The following NAV2 variants were observed in gnomAD, a reference collection of about 807,000 sequenced individuals.
NAV2 encodes the protein helicase, APC down-regulated 1.
NAV2 carries 54 observed loss-of-function variants against 223.2 expected under a neutral mutation model. The ratio of observed to expected loss-of-function variants is 0.24; its 90% CI spans 0.19 to 0.30. The LOEUF is 0.30. Ranked by LOEUF, NAV2 falls within the 10% of genes least tolerant of loss-of-function variation. The pLI, the probability that NAV2 is intolerant of heterozygous loss-of-function variation, is 1.00. For missense variants in NAV2, 2,806 were observed against 3,147.5 expected (o/e 0.89, Z 2.60); for synonymous variants, 1,279 against 1,239.3 (o/e 1.03, Z -0.67).
intron 1 of NAV2, among the ~76,000 whole-genome samples, chr11:19,541,351 A>G (rs1473822122): frequency 1.3e-5 from 2 of 152,224 alleles, no homozygotes; most frequent in African/African-American, 4.8e-5. Context: ...TTGTTCTAGA[A>G]GACAGGAAAG....
chr11:19,615,775 G>A (rs1333365931), intron 1 of NAV2, among the ~76,000 whole-genome samples: 1 of 152,146 alleles, frequency 6.6e-6, no homozygotes, highest in African/African-American at 2.4e-5. Context: ...GAGAGCGTGT[G>A]ATGTGCTAGC....
At chr11:19,613,719 C>T (rs908332282) in intron 1 of NAV2, among the ~76,000 whole-genome samples, 4 of 152,176 alleles carry the variant, frequency 2.6e-5, no homozygotes, top group Non-Finnish European at 4.4e-5. Flanking sequence ...AGTTGGAATC[C>T]GCTTTTAACT....
intron 11 of NAV2, among the ~76,000 whole-genome samples, chr11:19,991,313 C>G (rs2051310535): frequency 6.6e-6 from 1 of 151,880 alleles, no homozygotes; most frequent in South Asian, 2.1e-4. Flanking sequence ...TTTGTAGAGA[C>G]AGGGTTTCAC....
intron 3 of NAV2, among the ~76,000 whole-genome samples, chr11:19,866,767 T>C (rs2062116783): frequency 6.6e-6 from 1 of 152,148 alleles, no homozygotes; most frequent in Non-Finnish European, 1.5e-5. Flanking sequence ...AATCTTAACC[T>C]ACCTCGTCAG....
intron 1 of NAV2, among the ~76,000 whole-genome samples, chr11:19,746,383 T>A (rs58771640): frequency 0.72 from 109,486 of 151,632 alleles, 40,086 homozygotes; most frequent in Middle Eastern, 0.83. Context: ...TGTTTTTTTT[T>A]AACTAGAGTA....
intron 10 of NAV2, among the ~76,000 whole-genome samples, chr11:19,973,618 G>A (rs1957848980): frequency 6.6e-6 from 1 of 152,210 alleles, no homozygotes. Flanking sequence ...CTAAAATTCA[G>A]GGTAACATGT....
intron 2 of NAV2, among the ~76,000 whole-genome samples, chr11:19,836,616 A>G (rs2060253400): frequency 6.6e-6 from 1 of 152,084 alleles, no homozygotes; most frequent in African/African-American, 2.4e-5. Flanking sequence ...TTCTATAAAA[A>G]GTAGTCAACA....
At chr11:19,771,625 TCGGGGGAGC>T (rs2055728447) in intron 1 of NAV2, among the ~76,000 whole-genome samples, 1 of 151,934 alleles carries the variant, frequency 6.6e-6, no homozygotes, top group African/African-American at 2.4e-5. Flanking sequence ...ATCTGAGTTG[TCGGGGGAGC>T]CAGGAAGTGA....
chr11:19,598,017 AC>A (rs1181335255), intron 1 of NAV2, among the ~76,000 whole-genome samples: 1 of 152,214 alleles, frequency 6.6e-6, no homozygotes, highest in Non-Finnish European at 1.5e-5. Flanking sequence ...TCCAGTTATG[AC>A]CCATGCCAAT....
chr11:19,369,830 AG>A (rs1848412843), intron 1 of NAV2, among the ~76,000 whole-genome samples: 1 of 152,178 alleles, frequency 6.6e-6, no homozygotes, highest in African/African-American at 2.4e-5. Flanking sequence ...TTCCTTTGGT[AG>A]GCACCTTGAC....
At chr11:19,549,789 A>G (rs574812831) in intron 1 of NAV2, among the ~76,000 whole-genome samples, 1 of 152,182 alleles carries the variant, frequency 6.6e-6, no homozygotes, top group South Asian at 2.1e-4. Context: ...ACCAAGCTGC[A>G]CCATGAGCAT....
intron 1 of NAV2, among the ~76,000 whole-genome samples, chr11:19,672,490 T>C (rs527852726): frequency 6.6e-6 from 1 of 152,272 alleles, no homozygotes; most frequent in South Asian, 2.1e-4. Flanking sequence ...CAAGTGTTAA[T>C]TTTCCACCCA....
chr11:19,434,912 A>G (rs1216355298), intron 1 of NAV2, among the ~76,000 whole-genome samples: 1 of 151,114 alleles, frequency 6.6e-6, no homozygotes, highest in East Asian at 1.9e-4. Context: ...TTTTCTCAAA[A>G]TATGTCTCAA....
At chr11:19,877,490 TGAGACAGAGTCTTGC>T (rs2062925270) in intron 4 of NAV2, among the ~76,000 whole-genome samples, 1 of 145,298 alleles carries the variant, frequency 6.9e-6, no homozygotes. Context: ...TTTTTTTTTT[TGAGACAGAGTCTTGC>T]TCTGTTGCCC....
intron 1 of NAV2, among the ~76,000 whole-genome samples, chr11:19,443,555 C>T (rs1401317400): frequency 6.6e-6 from 1 of 152,208 alleles, no homozygotes; most frequent in Non-Finnish European, 1.5e-5. Flanking sequence ...AAAGCAGTGG[C>T]CAGCACACTA....
intron 1 of NAV2, among the ~76,000 whole-genome samples, chr11:19,688,307 G>A (rs1453908374): frequency 6.6e-6 from 1 of 152,192 alleles, no homozygotes; most frequent in Non-Finnish European, 1.5e-5. Flanking sequence ...GGCAAGCTCA[G>A]AGTCTGAGCT....
chr11:19,713,944 A>C lies in NAV2; in HGVS notation c.249A>C (p.Glu83Asp). 6.2e-7 allele frequency: 1 copy of C among 1,613,320 alleles called. No individual in the cohort carries two copies. The highest frequency in any genetic ancestry group is 2.2e-5 in the East Asian group (1 of 44,872). The change falls in exon 1 of 38, where the codon GAA (glutamate) becomes GAC (aspartate). Residue 83 changes from glutamate to aspartate, a missense_variant. Physicochemically the swap from Glu to Asp is conservative, Grantham distance 45 (BLOSUM62 2). Coordinates refer to ENST00000349880, the MANE Select transcript of NAV2 (RefSeq NM_145117.5). The surrounding 1 kb of genome is among the most constrained non-coding windows in gnomAD (Gnocchi z 7.2). The stretch of plus-strand genomic sequence containing the variant: ...CGCTGCGGAAGAGCGGCTCGGTGGA[A>C]AACGGGTTCGATACCCAGGTGAGAG... ...GLPLRKSGSV[E>D]NGFDTQIYTD...
chr11:19,493,459 G>C (rs747182704), intron 1 of NAV2, among the ~76,000 whole-genome samples: 4 of 152,136 alleles, frequency 2.6e-5, no homozygotes, highest in Admixed American at 6.5e-5. Context: ...TCTCTGTAAT[G>C]TCTATGGTAT....
intron 27 of NAV2, 101 bp from the exon 28 acceptor site, chr11:20,092,105 C>A: frequency 1.7e-6 from 2 of 1,186,494 alleles, no homozygotes; most frequent in Admixed American, 3.7e-5. Flanking sequence ...GGGTGGAAGA[C>A]CAGCCTGGTT....
Sources: allele counts gnomAD v4.1 joint callset (sites outside exome capture counted in the v4.1 genomes callset), GRCh38; gene constraint gnomAD v4.1.1; non-coding constraint Gnocchi (gnomAD v3.1); transcripts MANE v1.5; gene names NCBI Gene and HGNC (gene_info 2026-07-23, HGNC 2026-07-21).